Variants in PPP2R5A observed in about 807,000 individuals in gnomAD.
PPP2R5A encodes the protein serine/threonine-protein phosphatase 2A 56 kDa regulatory subunit alpha isoform.
Under a neutral mutation model 64.2 loss-of-function variants are expected in PPP2R5A, and 25 were observed. That is an observed-to-expected ratio of 0.39 (90% CI 0.28 to 0.54). The LOEUF (loss-of-function observed/expected upper bound fraction) is 0.54. Ranked by LOEUF, PPP2R5A falls within the 20% of genes least tolerant of loss-of-function variation. The pLI, the probability that PPP2R5A is intolerant of heterozygous loss-of-function variation, is 0.67. For synonymous variants in PPP2R5A, 198 were observed against 201.2 expected (o/e 0.98, Z 0.13); for missense variants, 425 against 576.3 (o/e 0.74, Z 2.69).
At chr1:212,314,661 G>A (rs1467589944) in intron 1 of PPP2R5A, among the ~76,000 whole-genome samples, 3 of 151,034 alleles carry the variant, frequency 2.0e-5, no homozygotes, top group Admixed American at 6.6e-5. Flanking sequence ...GGGTTCAAGC[G>A]ATTATCCTGC....
intron 1 of PPP2R5A, among the ~76,000 whole-genome samples, chr1:212,318,803 C>T (rs578029118): frequency 2.0e-5 from 3 of 152,238 alleles, no homozygotes; most frequent in African/African-American, 4.8e-5. Context: ...ATAGCATTTA[C>T]ATTGTATTAG....
At chr1:212,340,148 T>C (rs1659663606) in intron 3 of PPP2R5A, among the ~76,000 whole-genome samples, 1 of 151,816 alleles carries the variant, frequency 6.6e-6, no homozygotes, top group Non-Finnish European at 1.5e-5. Context: ...TAAATATATA[T>C]ATTTTTAAAT....
At chr1:212,309,583 A>C (rs923426882) in intron 1 of PPP2R5A, 6 of 680,022 alleles carry the variant, frequency 8.8e-6, no homozygotes, top group South Asian at 6.7e-5. Flanking sequence ...TATAATGACT[A>C]CTTTAAAGTC....
chr1:212,350,767 G>A (rs1659861219), intron 8 of PPP2R5A, among the ~76,000 whole-genome samples: 1 of 151,948 alleles, frequency 6.6e-6, no homozygotes, highest in South Asian at 2.1e-4. Context: ...GTTCATGCTT[G>A]GTAAATAGTA....
At position 212,357,398 on chromosome 1, in the gene PPP2R5A, G is replaced by C. The variant is rs1571615075; in HGVS notation, c.1226+114G>C. The C allele has an allele frequency of 5.1e-6, 5 of 978,040 alleles. No individual in the cohort carries two copies. In the East Asian group the frequency reaches 1.1e-4, roughly 22 times the overall value. 60.6% of individuals were successfully genotyped at this position (978,040 alleles called of 1,614,324 possible). ...ATTACAGATTTGGAAGTTACTCCAA[G>C]GTTAACATCAGTTGTATTCTATTCT... On this transcript the variant is annotated intron_variant, in intron 11 of 12. Transcript: ENST00000261461.
At chr1:212,317,696 T>C (rs1042524501) in intron 1 of PPP2R5A, among the ~76,000 whole-genome samples, 1 of 152,074 alleles carries the variant, frequency 6.6e-6, no homozygotes, top group Non-Finnish European at 1.5e-5. Context: ...TTCTTAAAAG[T>C]GTGAGCCAGG....
chr1:212,314,705 G>GT (rs1659112152), intron 1 of PPP2R5A, among the ~76,000 whole-genome samples: 1 of 151,574 alleles, frequency 6.6e-6, no homozygotes, highest in Non-Finnish European at 1.5e-5. Flanking sequence ...CTACAGGCAC[G>GT]TGCCACCATG....
intron 1 of PPP2R5A, among the ~76,000 whole-genome samples, chr1:212,319,788 T>C (rs979599906): frequency 5.3e-5 from 8 of 151,302 alleles, no homozygotes; most frequent in Non-Finnish European, 1.0e-4. Context: ...ACCCGGCTAA[T>C]TTTTTTGTAT....
At chr1:212,306,906 T>TG (rs887138027) in intron 1 of PPP2R5A, 8 of 152,096 alleles carry the variant, frequency 5.3e-5, no homozygotes, top group Non-Finnish European at 2.9e-5. Flanking sequence ...TACAGGTACC[T>TG]GCCACCATGC....
chr1:212,333,227 C>A (rs908257758), intron 2 of PPP2R5A, among the ~76,000 whole-genome samples: 2 of 151,934 alleles, frequency 1.3e-5, no homozygotes, highest in African/African-American at 2.4e-5. Context: ...AAGCAAAATT[C>A]GGAAAGAACA....
At chr1:212,296,426 A>G (rs1351098187) in intron 1 of PPP2R5A, among the ~76,000 whole-genome samples, 2 of 152,194 alleles carry the variant, frequency 1.3e-5, no homozygotes, top group Non-Finnish European at 2.9e-5. Flanking sequence ...CTTTACATTA[A>G]CCTTTACTGG....
intron 1 of PPP2R5A, among the ~76,000 whole-genome samples, chr1:212,318,279 C>CA (rs1169470944): frequency 4.1e-5 from 6 of 146,350 alleles, no homozygotes; most frequent in Non-Finnish European, 9.2e-5. Context: ...TTTAGCAAAG[C>CA]AAGGCATATC....
At chr1:212,290,217 A>G (rs1182406436) in intron 1 of PPP2R5A, among the ~76,000 whole-genome samples, 1 of 152,148 alleles carries the variant, frequency 6.6e-6, no homozygotes, top group Non-Finnish European at 1.5e-5. Context: ...CTTTAGGGGG[A>G]AAAATGTGTG....
chr1:212,345,904 C>G lies in PPP2R5A; in HGVS notation c.675C>G (p.Ile225Met). Residue 225 changes from isoleucine to methionine, a missense_variant, in exon 5 of 13, where the codon ATC (isoleucine) becomes ATG (methionine). This residue lies in a region of PPP2R5A where 140 missense variants were observed against 204.4 expected (regional missense o/e 0.68). Transcript: ENST00000261461. Reference sequence around the variant, plus strand: ...AATTTCTTGGATTAAGAGCATTCATCAGAAAACAAATTAACAACATTTTCC... The same window carrying G: ...AATTTCTTGGATTAAGAGCATTCATGAGAAAACAAATTAACAACATTTTCC... ...YGKFLGLRAF[I>M]RKQINNIFLR... 2 of 1,607,178 alleles carry G rather than the reference C, an allele frequency of 1.2e-6. No homozygotes were observed. The highest frequency in any genetic ancestry group is 1.7e-6 in the Non-Finnish European group (2 of 1,176,014).
chr1:212,322,059 G>C (rs1053579903), intron 1 of PPP2R5A, among the ~76,000 whole-genome samples: 8 of 151,286 alleles, frequency 5.3e-5, no homozygotes, highest in Admixed American at 2.6e-4. Flanking sequence ...GTGGCGGCGC[G>C]CGCCTGCAAT....
At chr1:212,329,391 ATGAAT>A in intron 2 of PPP2R5A, 60 bp downstream of exon 2, 4 of 1,298,916 alleles carry the variant, frequency 3.1e-6, no homozygotes, top group South Asian at 1.9e-5. Flanking sequence ...AGGTATAATA[ATGAAT>A]TGAGACTGAT....
chr1:212,286,184 C>T lies in PPP2R5A; in HGVS notation c.74C>T (p.Thr25Ile). Reference protein sequence around the residue: ...ISASEKVDGFTRKSVRKAQRQ... With the variant: ...ISASEKVDGFIRKSVRKAQRQ... Reference sequence around the variant, plus strand: ...GCCTCGGAGAAAGTGGACGGCTTCACCCGGAAATCGGTCCGCAAGGCGCAG... The same window carrying T: ...GCCTCGGAGAAAGTGGACGGCTTCATCCGGAAATCGGTCCGCAAGGCGCAG... Residue 25 changes from threonine (T) to isoleucine (I), a missense_variant, in exon 1 of 13, where the codon ACC becomes ATC. Around this residue, in one of 4 missense-constraint regions of PPP2R5A, gnomAD observed 104 missense variants for 95.7 expected, o/e 1.09. Coordinates refer to ENST00000261461, the MANE Select transcript of PPP2R5A (RefSeq NM_006243.4). 3 of 1,590,336 alleles carry T rather than the reference C, an allele frequency of 1.9e-6. No homozygotes were observed. Among genetic ancestry groups the T allele is most frequent in the Admixed American group, 1.7e-5 (1 of 57,662 alleles).
chr1:212,329,281 A>G lies in PPP2R5A; in HGVS notation c.328A>G (p.Thr110Ala). 1 of 1,609,832 alleles carries G rather than the reference A, an allele frequency of 6.2e-7. No homozygotes were observed. The highest frequency in any genetic ancestry group is 1.1e-5 in the South Asian group (1 of 89,584). The change falls in exon 2 of 13, where the codon ACT becomes GCT. Residue 110 changes from threonine to alanine, a missense_variant. Thr to Ala is a moderately conservative substitution (Grantham distance 58). Coordinates refer to ENST00000261461, the MANE Select transcript of PPP2R5A (RefSeq NM_006243.4). ...TLNELVEYVS[T>A]NRGVIVESAY... is the part of the protein sequence containing the mutation. The stretch of plus-strand genomic sequence containing the variant: ...GAATGAACTGGTTGAGTATGTTTCA[A>G]CTAATCGTGGTGTAATTGTTGAATC...
chr1:212,354,565 TC>T (rs1194433636), intron 8 of PPP2R5A, among the ~76,000 whole-genome samples: 1 of 151,954 alleles, frequency 6.6e-6, no homozygotes, highest in African/African-American at 2.4e-5. Context: ...ACACCCGTAG[TC>T]CCAGCTACTT....
Sources: allele counts gnomAD v4.1 joint callset (sites outside exome capture counted in the v4.1 genomes callset), GRCh38; gene constraint gnomAD v4.1.1; regional missense constraint gnomAD v4.1.1; transcripts MANE v1.5; gene names NCBI Gene and HGNC (gene_info 2026-07-23, HGNC 2026-07-21).